TRHR: variants seen among roughly 807,000 people sequenced by gnomAD.
TRHR encodes thyrotropin releasing hormone receptor.
A neutral mutation model predicts 28.0 loss-of-function variants in TRHR; 14 were observed. The observed-to-expected ratio is 0.50, with a 90% CI of 0.33 to 0.78. TRHR has a LOEUF of 0.78. TRHR is among the 30% of genes least tolerant of loss of function. The pLI is 0.02. For synonymous variants in TRHR, 176 were observed against 171.9 expected (o/e 1.02, Z -0.18); for missense variants, 438 against 469.5 (o/e 0.93, Z 0.62).
chr8:109,096,365 T>G (rs558459892), intron 2 of TRHR, among the ~76,000 whole-genome samples: 10 of 152,228 alleles, frequency 6.6e-5, no homozygotes, highest in Non-Finnish European at 1.3e-4. Flanking sequence ...TACATATATG[T>G]TAGGTGTTCT....
intron 2 of TRHR, among the ~76,000 whole-genome samples, chr8:109,093,783 G>T (rs1811548786): frequency 1.3e-5 from 2 of 150,836 alleles, no homozygotes; most frequent in South Asian, 4.2e-4. Context: ...GAACAATAAT[G>T]ACCTACTGCA....
rs1354022877 is a variant in TRHR at position 109,121,225 on chromosome 8, T to C, written c.*1770T>C. On this transcript the variant is annotated 3_prime_UTR_variant, in exon 3 of 3. Coordinates refer to ENST00000518632, the MANE Select transcript of TRHR (RefSeq NM_003301.7). ...ATGACAGTAAGCAATCTATGTTAAC[T>C]GACTTTTCATTCTGGTATAAATATT... Among the ~76,000 whole-genome samples the C allele has an allele frequency of 6.6e-6, 1 of 151,680 alleles. No homozygotes were observed. The highest frequency in any genetic ancestry group is 1.5e-5 in the Non-Finnish European group (1 of 67,794).
chr8:109,087,563 A>C lies in TRHR; in HGVS notation c.51A>C (p.Arg17=). 1 of 1,614,210 alleles carries C rather than the reference A, an allele frequency of 6.2e-7. No individual in the cohort carries two copies. Among genetic ancestry groups the C allele is most frequent in the Non-Finnish European group, 8.5e-7 (1 of 1,180,038 alleles). Residue 17 remains arginine, a synonymous_variant, in exon 2 of 3, where the codon CGA becomes CGC. Coordinates refer to ENST00000518632, the MANE Select transcript of TRHR (RefSeq NM_003301.7). ...SELNQTQLQP[R]AVVALEYQVV... The stretch of plus-strand genomic sequence containing the variant: ...TGAACCAAACACAGCTTCAGCCACG[A>C]GCAGTGGTGGCCTTAGAATACCAGG...
intron 2 of TRHR, among the ~76,000 whole-genome samples, chr8:109,088,983 C>T (rs763999456): frequency 1.2e-4 from 18 of 152,030 alleles, no homozygotes; most frequent in African/African-American, 3.6e-4. Context: ...TTTTAAAAAT[C>T]GGTTTTTTCC....
At position 109,120,941 on chromosome 8, in the gene TRHR, A is replaced by G. The variant is rs181284122; in HGVS notation, c.*1486A>G. Reference sequence around the variant, plus strand: ...CCTCTCCAGCCTATATCCCTATTTTATGGACTTTTCTAGAACCTAATCGCT... The same window carrying G: ...CCTCTCCAGCCTATATCCCTATTTTGTGGACTTTTCTAGAACCTAATCGCT... On this transcript the variant is annotated 3_prime_UTR_variant, in exon 3 of 3. Coordinates refer to ENST00000518632, the MANE Select transcript of TRHR (RefSeq NM_003301.7). Among the ~76,000 whole-genome samples, 1 of 151,622 alleles carries G rather than the reference A, an allele frequency of 6.6e-6. No individual in the cohort carries two copies. The highest frequency in any genetic ancestry group is 2.4e-5 in the African/African-American group (1 of 41,442).
rs1811972598 is a variant in TRHR at position 109,119,442 on chromosome 8, T to C, written c.1184T>C (p.Phe395Ser). The C allele has an allele frequency of 6.2e-7, 1 of 1,612,018 alleles. No homozygotes were observed. Among genetic ancestry groups the C allele is most frequent in the African/African-American group, 1.3e-5 (1 of 74,894 alleles). Residue 395 changes from phenylalanine (F) to serine (S), a missense_variant, in exon 3 of 3, where the codon TTT (phenylalanine) becomes TCT (serine). Physicochemically the swap from Phe to Ser is radical, Grantham distance 155 (BLOSUM62 -2). Transcript: ENST00000518632. Reference sequence around the variant, plus strand: ...ACCTGCTTGGCTTCTGAGGTATCCTTTAGCCAAAGTTGATTCATGAATTAG... The same window carrying C: ...ACCTGCTTGGCTTCTGAGGTATCCTCTAGCCAAAGTTGATTCATGAATTAG... ...DDTCLASEVSFSQS is the reference protein window; with the variant it reads ...DDTCLASEVSSSQS
chr8:109,093,092 C>A (rs1422025170), intron 2 of TRHR, among the ~76,000 whole-genome samples: 1 of 152,084 alleles, frequency 6.6e-6, no homozygotes, highest in Non-Finnish European at 1.5e-5. Context: ...TTTCTCTGAG[C>A]CTCAGTTTTC....
intron 2 of TRHR, among the ~76,000 whole-genome samples, chr8:109,109,655 T>C (rs1811800571): frequency 6.6e-6 from 1 of 152,184 alleles, no homozygotes; most frequent in African/African-American, 2.4e-5. Context: ...ACATAGACTG[T>C]CATTGATTCT....
At chr8:109,096,697 C>T (rs1345062719) in intron 2 of TRHR, among the ~76,000 whole-genome samples, 4 of 152,092 alleles carry the variant, frequency 2.6e-5, no homozygotes, top group African/African-American at 9.7e-5. Context: ...TATGACAAGC[C>T]AGGGCCCCCT....
At chr8:109,094,678 A>G (rs1742659245) in intron 2 of TRHR, among the ~76,000 whole-genome samples, 2 of 151,874 alleles carry the variant, frequency 1.3e-5, no homozygotes. Context: ...AGATAAGTAC[A>G]CATTGTTTAT....
At chr8:109,095,586 T>C (rs1047660881) in intron 2 of TRHR, among the ~76,000 whole-genome samples, 1 of 152,134 alleles carries the variant, frequency 6.6e-6, no homozygotes, top group Non-Finnish European at 1.5e-5. Context: ...TTCTACATAC[T>C]TTCTTCTACG....
intron 2 of TRHR, among the ~76,000 whole-genome samples, chr8:109,091,260 T>C (rs1329390285): frequency 6.6e-6 from 1 of 152,092 alleles, no homozygotes; most frequent in African/African-American, 2.4e-5. Flanking sequence ...TGTGAACATA[T>C]TAGACATAAA....
At chr8:109,093,400 C>CTTTTT (rs34645119) in intron 2 of TRHR, among the ~76,000 whole-genome samples, 95 of 77,388 alleles carry the variant, frequency 1.2e-3, no homozygotes, top group Non-Finnish European at 1.6e-3. Context: ...GTGCTATTTA[C>CTTTTT]TTTTTTTTTT....
chr8:109,107,086 G>A (rs1263090056), intron 2 of TRHR, among the ~76,000 whole-genome samples: 2 of 152,114 alleles, frequency 1.3e-5, no homozygotes, highest in African/African-American at 2.4e-5. Context: ...TTCTTCAGTT[G>A]TATAATAAAG....
chr8:109,109,029 C>T (rs532675463), intron 2 of TRHR, among the ~76,000 whole-genome samples: 38 of 152,252 alleles, frequency 2.5e-4, no homozygotes, highest in African/African-American at 8.9e-4. Context: ...TTCCATTCTT[C>T]GAAGCAGAAC....
At chr8:109,095,252 C>T (rs1386030361) in intron 2 of TRHR, among the ~76,000 whole-genome samples, 2 of 151,988 alleles carry the variant, frequency 1.3e-5, no homozygotes, top group Non-Finnish European at 2.9e-5. Flanking sequence ...CTGAGCATAC[C>T]ACTACATTCT....
intron 2 of TRHR, among the ~76,000 whole-genome samples, chr8:109,093,641 C>T (rs3110044): frequency 0.6 from 91,471 of 151,364 alleles, 27,784 homozygotes; most frequent in South Asian, 0.73. Context: ...CCTGACCTCA[C>T]GATCCGCCAG....
chr8:109,087,884 C>T lies in TRHR; in HGVS notation c.372C>T (p.Tyr124=). The T allele has an allele frequency of 1.9e-6, 3 of 1,614,190 alleles. No homozygotes were observed. The South Asian group carries it at 3.3e-5, about 18-fold the overall frequency. The change falls in exon 2 of 3, where the codon TAC becomes TAT. Residue 124 remains tyrosine (Y), a synonymous_variant. Coordinates refer to ENST00000518632, the MANE Select transcript of TRHR (RefSeq NM_003301.7). The part of the protein sequence containing the change: ...CSITAFTIER[Y]IAICHPIKAQ... ...TAACAGCCTTTACCATTGAGAGGTA[C>T]ATAGCAATCTGTCACCCCATCAAAG...
rs1462932707 is a variant in TRHR at position 109,087,314 on chromosome 8, T to C, written c.-88-111T>C. 8 of 651,930 alleles carry C rather than the reference T, an allele frequency of 1.2e-5. No individual in the cohort carries two copies. The South Asian group carries it at 1.3e-4, about 10-fold the overall frequency. The allele number at this position is 651,930 out of a possible 1,614,324, so 40.4% of individuals were successfully genotyped here. The stretch of plus-strand genomic sequence containing the variant: ...TTTTAAGAAGTACACATGAGCCCTA[T>C]TCCCATAGAAAAATGGGAAGTGAAA... On this transcript the variant is annotated intron_variant, in intron 1 of 2. Coordinates refer to ENST00000518632, the MANE Select transcript of TRHR (RefSeq NM_003301.7).
Sources: allele counts gnomAD v4.1 joint callset (sites outside exome capture counted in the v4.1 genomes callset), GRCh38; gene constraint gnomAD v4.1.1; transcripts MANE v1.5; gene names NCBI Gene and HGNC (gene_info 2026-07-23, HGNC 2026-07-21).